The following WWOX variants were observed in gnomAD, a reference collection of about 807,000 sequenced individuals.
WWOX encodes the protein WW domain-containing oxidoreductase.
A neutral mutation model predicts 46.2 loss-of-function variants in WWOX; 69 were observed. The ratio of observed to expected loss-of-function variants is 1.49; its 90% CI spans 1.23 to 1.82. The LOEUF is 1.82. Ranked by LOEUF, WWOX falls within the 40% of genes most tolerant of loss-of-function variation. The pLI is 0.00. For synonymous variants in WWOX, 359 were observed against 202.6 expected (o/e 1.77, Z -6.56); for missense variants, 919 against 542.6 (o/e 1.69, Z -6.89).
At chr16:78,758,241 A>C (rs1454948511) in intron 8 of WWOX, among the ~76,000 whole-genome samples, 2 of 152,182 alleles carry the variant, frequency 1.3e-5, no homozygotes, top group African/African-American at 4.8e-5. Flanking sequence ...AACTATAGTA[A>C]TTCCATGTAG....
intron 8 of WWOX, among the ~76,000 whole-genome samples, chr16:78,620,190 G>A (rs2046142416): frequency 6.6e-6 from 1 of 152,188 alleles, no homozygotes; most frequent in Non-Finnish European, 1.5e-5. Flanking sequence ...TTTCTGAAAT[G>A]AGAAATCTAA....
chr16:78,580,353 T>C (rs1386527531), intron 8 of WWOX, among the ~76,000 whole-genome samples: 1 of 152,148 alleles, frequency 6.6e-6, no homozygotes, highest in East Asian at 1.9e-4. Context: ...GAATATCCGG[T>C]GTGAGCCACT....
At chr16:78,966,095 G>T (rs138776029) in intron 8 of WWOX, among the ~76,000 whole-genome samples, 1 of 152,230 alleles carries the variant, frequency 6.6e-6, no homozygotes, top group South Asian at 2.1e-4. Flanking sequence ...GCTTTTTTGC[G>T]TGGCTTCTTA....
chr16:78,383,874 T>G (rs1342957515), intron 5 of WWOX, among the ~76,000 whole-genome samples: 1 of 152,166 alleles, frequency 6.6e-6, no homozygotes, highest in Non-Finnish European at 1.5e-5. Flanking sequence ...ATTAGTCTGT[T>G]GAACTACTTG....
At chr16:79,027,545 G>C (rs2047670863) in intron 8 of WWOX, among the ~76,000 whole-genome samples, 1 of 151,720 alleles carries the variant, frequency 6.6e-6, no homozygotes, top group South Asian at 2.1e-4. Flanking sequence ...CCGTTCTGGA[G>C]AGCCTTTGAT....
chr16:78,951,816 G>C (rs879931562), intron 8 of WWOX, among the ~76,000 whole-genome samples: 1 of 152,168 alleles, frequency 6.6e-6, no homozygotes, highest in Non-Finnish European at 1.5e-5. Context: ...GGAAAGGTCT[G>C]AGCAGAGTAA....
At chr16:78,125,350 G>C (rs1319392267) in intron 4 of WWOX, among the ~76,000 whole-genome samples, 2 of 152,194 alleles carry the variant, frequency 1.3e-5, no homozygotes, top group South Asian at 2.1e-4. Flanking sequence ...CCCTTCCACT[G>C]TACATGCCAC....
intron 8 of WWOX, among the ~76,000 whole-genome samples, chr16:78,645,026 T>G (rs1195549004): frequency 6.6e-6 from 1 of 152,222 alleles, no homozygotes; most frequent in African/African-American, 2.4e-5. Context: ...TAAATAGTGC[T>G]TTCTTTTCTT....
chr16:78,610,743 C>T (rs1432518740), intron 8 of WWOX, among the ~76,000 whole-genome samples: 4 of 151,952 alleles, frequency 2.6e-5, no homozygotes, highest in East Asian at 1.9e-4. Context: ...ATAATCAAAC[C>T]GTCGGGGCTA....
intron 8 of WWOX, among the ~76,000 whole-genome samples, chr16:78,843,533 C>G (rs943357843): frequency 6.7e-6 from 1 of 150,020 alleles, no homozygotes; most frequent in Non-Finnish European, 1.5e-5. Context: ...TGTTTTGACT[C>G]TTTGACACAG....
chr16:78,713,512 T>G (rs1382450673), intron 8 of WWOX, among the ~76,000 whole-genome samples: 1 of 152,064 alleles, frequency 6.6e-6, no homozygotes, highest in Non-Finnish European at 1.5e-5. Flanking sequence ...ATACAGCCTT[T>G]TAAAGGATGG....
chr16:79,179,215 C>G (rs889609834), intron 8 of WWOX, among the ~76,000 whole-genome samples: 2 of 152,200 alleles, frequency 1.3e-5, no homozygotes, highest in East Asian at 1.9e-4. Flanking sequence ...AGATGTAAAA[C>G]AACGTGTCTA....
chr16:78,302,293 T>G (rs1199167351), intron 5 of WWOX, among the ~76,000 whole-genome samples: 1 of 152,102 alleles, frequency 6.6e-6, no homozygotes, highest in Non-Finnish European at 1.5e-5. Context: ...TTTTTCATAT[T>G]CCCAAAGCCA....
intron 8 of WWOX, among the ~76,000 whole-genome samples, chr16:78,878,345 G>C (rs1018074206): frequency 6.6e-5 from 10 of 152,156 alleles, no homozygotes. Flanking sequence ...AGGCCCCTGG[G>C]TTCAATTCCT....
At chr16:78,633,387 T>C (rs944260410) in intron 8 of WWOX, among the ~76,000 whole-genome samples, 3 of 152,202 alleles carry the variant, frequency 2.0e-5, no homozygotes, top group Non-Finnish European at 4.4e-5. Flanking sequence ...ATTGCAATTT[T>C]TCATTCACCC....
At chr16:78,914,055 A>G (rs545820370) in intron 8 of WWOX, among the ~76,000 whole-genome samples, 1 of 152,088 alleles carries the variant, frequency 6.6e-6, no homozygotes, top group Non-Finnish European at 1.5e-5. Flanking sequence ...AGATTTGACA[A>G]CTGCATTTGG....
intron 8 of WWOX, among the ~76,000 whole-genome samples, chr16:79,106,164 GC>G (rs1464162313): frequency 3.3e-5 from 5 of 152,198 alleles, no homozygotes; most frequent in South Asian, 2.1e-4. Flanking sequence ...TGGGGGCAGG[GC>G]CCAGCCGTCT....
At chr16:78,427,362 A>C (rs945351686) in intron 7 of WWOX, among the ~76,000 whole-genome samples, 1 of 152,194 alleles carries the variant, frequency 6.6e-6, no homozygotes, top group Non-Finnish European at 1.5e-5. Context: ...TGCATACCTA[A>C]AATACATCAT....
At chr16:78,971,436 C>CCGAG (rs113536708) in intron 8 of WWOX, among the ~76,000 whole-genome samples, 1 of 132,896 alleles carries the variant, frequency 7.5e-6, no homozygotes, top group African/African-American at 2.8e-5. Context: ...GTCTGGGTGA[C>CCGAG]AGACTCTGTG....
Sources: gnomAD v4.1 joint callset for allele counts (sites outside exome capture counted in the v4.1 genomes callset) on GRCh38, gnomAD v4.1.1 for gene constraint, MANE v1.5 for transcripts, NCBI Gene and HGNC (gene_info 2026-07-23, HGNC 2026-07-21) for gene names.